CFAP161: variants seen among roughly 807,000 people sequenced by gnomAD.
CFAP161 encodes the protein cilia- and flagella-associated protein 161.
A neutral mutation model predicts 29.0 loss-of-function variants in CFAP161; 25 were observed. The ratio of observed to expected loss-of-function variants is 0.86; its 90% confidence interval spans 0.63 to 1.20. CFAP161 has a LOEUF of 1.20. CFAP161 is among the 50% of genes most tolerant of loss of function. The pLI is 0.00. For missense variants in CFAP161, 367 were observed against 371.9 expected (o/e 0.99, Z 0.11); for synonymous variants, 116 against 137.4 (o/e 0.84, Z 1.09).
chr15:81,107,923 T>C (rs951539674), intron 1 of CFAP161, among the ~76,000 whole-genome samples: 5 of 132,538 alleles, frequency 3.8e-5, no homozygotes, highest in African/African-American at 1.8e-4. Context: ...TCTTATCACA[T>C]TTTTTTTTTT....
At chr15:81,112,264 G>A (rs940754066) in intron 1 of CFAP161, among the ~76,000 whole-genome samples, 7 of 151,106 alleles carry the variant, frequency 4.6e-5, no homozygotes, top group South Asian at 2.1e-4. Flanking sequence ...TAAACTTTCC[G>A]AACTATGGAA....
intron 1 of CFAP161, among the ~76,000 whole-genome samples, chr15:81,111,217 C>G (rs1376219602): frequency 6.6e-6 from 1 of 152,192 alleles, no homozygotes; most frequent in African/African-American, 2.4e-5. Flanking sequence ...CTCCTTCTGA[C>G]TCTCCACAAA....
intron 1 of CFAP161, chr15:81,117,787 T>C: frequency 3.3e-6 from 1 of 304,474 alleles, no homozygotes; most frequent in Non-Finnish European, 6.5e-6. Context: ...TTTGTCATCA[T>C]CCCCTTCTAC....
At chr15:81,107,275 T>G (rs568555162) in intron 1 of CFAP161, among the ~76,000 whole-genome samples, 1 of 152,224 alleles carries the variant, frequency 6.6e-6, no homozygotes, top group African/African-American at 2.4e-5. Context: ...CTTACATACA[T>G]ATCCACACTC....
intron 4 of CFAP161, among the ~76,000 whole-genome samples, chr15:81,139,712 C>T (rs899383973): frequency 1.3e-5 from 2 of 152,096 alleles, no homozygotes; most frequent in African/African-American, 2.4e-5. Flanking sequence ...ATGCTTAAAT[C>T]TTCCCCTCTC....
chr15:81,124,548 C>T (rs1894616453), intron 1 of CFAP161, among the ~76,000 whole-genome samples: 1 of 152,074 alleles, frequency 6.6e-6, no homozygotes, highest in Non-Finnish European at 1.5e-5. Context: ...GGGAGGAGTC[C>T]CTCCTTTCTA....
chr15:81,108,696 A>C (rs1441945323), intron 1 of CFAP161, among the ~76,000 whole-genome samples: 1 of 152,226 alleles, frequency 6.6e-6, no homozygotes, highest in Non-Finnish European at 1.5e-5. Context: ...TAAATCTGTG[A>C]GGCAACTTCA....
chr15:81,107,918 T>C (rs1431434732), intron 1 of CFAP161, among the ~76,000 whole-genome samples: 36 of 150,906 alleles, frequency 2.4e-4, no homozygotes, highest in Admixed American at 2.4e-3. Flanking sequence ...TCCCCTCTTA[T>C]CACATTTTTT....
chr15:81,133,203 ATATATATATATATATATATATG>A (rs1351792483), upstream of CFAP161, among the ~76,000 whole-genome samples: 52 of 57,976 alleles, frequency 9.0e-4, 1 homozygote, highest in Admixed American at 2.3e-3. Context: ...ATATATATAT[ATATATATATATATATATATATG>A]TATTTTTTTT....
chr15:81,148,003 A>C, intron 6 of CFAP161, 72 bp downstream of exon 6: 2 of 1,241,502 alleles, frequency 1.6e-6, no homozygotes, highest in Non-Finnish European at 2.3e-6. Flanking sequence ...AAAGAAGCTC[A>C]ATTGATAGTG....
intron 5 of CFAP161, among the ~76,000 whole-genome samples, chr15:81,146,489 C>A (rs1013713864): frequency 2.0e-5 from 3 of 151,882 alleles, no homozygotes; most frequent in African/African-American, 7.3e-5. Flanking sequence ...TCTTGTGTGG[C>A]AAAGATCTTC....
In CFAP161 at chr15:81,137,598, T is replaced by C. The variant is rs139164405; in HGVS notation, c.393-453T>C. ...GGGAAAAAAAAGAATATATAGACAG[T>C]TCTTCAAGTTCTAATTTAGATTTCC... On this transcript the variant is annotated intron_variant, in intron 3 of 6. Transcript: ENST00000286732. 2.8e-3 allele frequency among the ~76,000 whole-genome samples: 425 copies of C among 152,244 alleles called. 4 individuals carry two copies. The highest frequency in any genetic ancestry group is 9.8e-3 in the African/African-American group (408 of 41,540).
intron 1 of CFAP161, among the ~76,000 whole-genome samples, chr15:81,107,376 G>A (rs1289732810): frequency 6.6e-6 from 1 of 152,174 alleles, no homozygotes; most frequent in African/African-American, 2.4e-5. Flanking sequence ...TACACAGCAG[G>A]TGAGTGCTTG....
intron 4 of CFAP161, among the ~76,000 whole-genome samples, chr15:81,140,788 T>C (rs925413793): frequency 6.6e-6 from 1 of 152,138 alleles, no homozygotes; most frequent in Non-Finnish European, 1.5e-5. Flanking sequence ...AGTTTCGCCA[T>C]GTTGGCCAGG....
Position 81,148,603 on chromosome 15 carries a change from C to A in CFAP161, c.*70C>A, listed in dbSNP as rs1321432872. 36 of 1,452,554 alleles carry A rather than the reference C, an allele frequency of 2.5e-5. No individual in the cohort carries two copies. Among genetic ancestry groups the A allele is most frequent in the Non-Finnish European group, 3.2e-5 (34 of 1,068,358 alleles). 90.0% of individuals were successfully genotyped at this position (1,452,554 alleles called of 1,614,324 possible). ...ATGTAGCTTTAAAAGAAATTAACAA[C>A]CTTGGTCATGCCTCAAGCTATTTTT... is the stretch of plus-strand genomic sequence containing the variant. On this transcript the variant is annotated 3_prime_UTR_variant, in exon 7 of 7. Coordinates refer to ENST00000286732, the MANE Select transcript of CFAP161 (RefSeq NM_173528.4).
intron 1 of CFAP161, among the ~76,000 whole-genome samples, chr15:81,101,386 G>T (rs1269222454): frequency 6.6e-6 from 1 of 151,916 alleles, no homozygotes; most frequent in African/African-American, 2.4e-5. Context: ...AATTAGCTGG[G>T]TGTGGTGGCA....
At chr15:81,120,420 C>T (rs761508929) in intron 1 of CFAP161, among the ~76,000 whole-genome samples, 3 of 152,080 alleles carry the variant, frequency 2.0e-5, no homozygotes, top group Non-Finnish European at 4.4e-5. Flanking sequence ...TCTAGACCTC[C>T]AAAATAAAAT....
upstream of CFAP161, among the ~76,000 whole-genome samples, chr15:81,133,168 T>C (rs1445275280): frequency 1.3e-4 from 17 of 129,908 alleles, no homozygotes; most frequent in African/African-American, 4.6e-4. Context: ...TCCATGGCCC[T>C]TCATCAGCAT....
chr15:81,129,999 C>A (rs965754477), upstream of CFAP161, among the ~76,000 whole-genome samples: 1 of 150,654 alleles, frequency 6.6e-6, no homozygotes, highest in Non-Finnish European at 1.5e-5. Flanking sequence ...CAGCCACCTA[C>A]ATCAATGATC....
Sources: allele counts gnomAD v4.1 joint callset (sites outside exome capture counted in the v4.1 genomes callset), GRCh38; gene constraint gnomAD v4.1.1; transcripts MANE v1.5; gene names NCBI Gene and HGNC (gene_info 2026-07-23, HGNC 2026-07-21).